POF1B: variants seen among roughly 807,000 people sequenced by gnomAD.
The protein encoded by POF1B is protein POF1B.
POF1B carries 53 observed loss-of-function variants against 55.3 expected under a neutral mutation model. The ratio of observed to expected loss-of-function variants is 0.96; its 90% CI spans 0.77 to 1.20. The LOEUF is 1.20. Ranked by LOEUF, POF1B falls within the 50% of genes most tolerant of loss-of-function variation. The pLI is 0.00. For missense variants in POF1B, 478 were observed against 420.5 expected, an observed-to-expected ratio of 1.14 and a Z score of -1.20; for synonymous variants, 188 against 148.3, an observed-to-expected ratio of 1.27 and a Z score of -1.95.
chrX:85,373,316 C>T (rs1478873890), intron 2 of POF1B, among the ~76,000 whole-genome samples: 2 of 111,570 alleles, frequency 1.8e-5, no homozygotes, highest in African/African-American at 3.3e-5. Context: ...TTGAGCTATT[C>T]GAGTCTCAAT....
At chrX:85,322,291 A>G (rs1469387571) in intron 7 of POF1B, among the ~76,000 whole-genome samples, 2 of 111,060 alleles carry the variant, frequency 1.8e-5, no homozygotes, top group Non-Finnish European at 3.8e-5. Context: ...ATAATGCCAC[A>G]TATCTACAAC....
intron 4 of POF1B, among the ~76,000 whole-genome samples, chrX:85,354,851 A>G (rs1455333094): frequency 1.8e-5 from 2 of 111,634 alleles, no homozygotes; most frequent in Non-Finnish European, 3.8e-5. Flanking sequence ...ATGGATAGGA[A>G]CAATCAATAA....
rs184252130 is a variant in POF1B at position 85,283,391 on chromosome X, T to A, written c.1650-1074A>T. ...AGCATGAACACAGGAGAGAAATAGA[T>A]AATATAAAAAAGATCCACATTGGAC... On this transcript the variant is annotated intron_variant, in intron 15 of 16. Coordinates refer to ENST00000262753, the MANE Select transcript of POF1B (RefSeq NM_024921.4). 2.4e-4 allele frequency among the ~76,000 whole-genome samples: 26 copies of A among 110,171 alleles called. No individual in the cohort carries two copies. In the Admixed American group the frequency reaches 2.5e-3, roughly 11 times the overall value.
intron 6 of POF1B, among the ~76,000 whole-genome samples, chrX:85,338,063 G>GT (rs1418230896): frequency 9.0e-6 from 1 of 111,358 alleles, no homozygotes. Context: ...AGATACTGTT[G>GT]TTTTTTAAGT....
At chrX:85,296,063 CT>C (rs1393331693) in intron 15 of POF1B, among the ~76,000 whole-genome samples, 1 of 111,907 alleles carries the variant, frequency 8.9e-6, no homozygotes, top group Non-Finnish European at 1.9e-5. Context: ...AACCCCTGCT[CT>C]TTTTTTGTTT....
chrX:85,328,366 G>A (rs1285568040), intron 7 of POF1B, among the ~76,000 whole-genome samples: 13 of 108,937 alleles, frequency 1.2e-4, no homozygotes, highest in Non-Finnish European at 2.3e-4. Flanking sequence ...CACTAGGCCC[G>A]GCTAATTTTT....
At chrX:85,313,316 C>T (rs759295176) in intron 9 of POF1B, among the ~76,000 whole-genome samples, 1 of 111,380 alleles carries the variant, frequency 9.0e-6, no homozygotes, top group Non-Finnish European at 1.9e-5. Context: ...GTTGGTTTGT[C>T]GTAAATAGCT....
chrX:85,362,003 G>A (rs1933633541), intron 3 of POF1B, among the ~76,000 whole-genome samples: 1 of 106,464 alleles, frequency 9.4e-6, no homozygotes, highest in South Asian at 4.1e-4. Context: ...TGTGTGTGTG[G>A]CAATTGTGAA....
In POF1B at chrX:85,290,054, C is replaced by A. The variant is rs750257810; in HGVS notation, c.1650-7737G>T. ...TGCTGAGGTTTGTGGTATGAATGAT[C>A]CTATCACCCAAGTAGTGAACATGGT... On this transcript the variant is annotated intron_variant, in intron 15 of 16. Coordinates refer to ENST00000262753, the MANE Select transcript of POF1B (RefSeq NM_024921.4). Among the ~76,000 whole-genome samples the A allele has an allele frequency of 7.2e-5, 8 of 111,237 alleles. No homozygotes were observed. In the South Asian group the frequency reaches 3.1e-3, roughly 42 times the overall value.
chrX:85,350,179 C>T (rs1933350217), intron 5 of POF1B, among the ~76,000 whole-genome samples: 1 of 109,076 alleles, frequency 9.2e-6, no homozygotes, highest in Non-Finnish European at 1.9e-5. Context: ...GCTATCCCTC[C>T]CCCGTCCCCC....
At chrX:85,314,137 G>A (rs987196386) in intron 9 of POF1B, among the ~76,000 whole-genome samples, 2 of 110,356 alleles carry the variant, frequency 1.8e-5, no homozygotes, top group South Asian at 7.7e-4. Context: ...GAATGGAGAA[G>A]AGGAAGGCAA....
rs746326282 is a variant in POF1B, at chrX:85,307,201, G to C, written c.1126C>G (p.Leu376Val). 1.7e-6 allele frequency: 2 copies of C among 1,206,694 alleles called. No homozygotes were observed. Among genetic ancestry groups the C allele is most frequent in the Admixed American group, 2.2e-5 (1 of 45,426 alleles). Residue 376 changes from leucine (L) to valine (V), a missense_variant, in exon 11 of 17, where the codon CTC becomes GTC. Coordinates refer to ENST00000262753, the MANE Select transcript of POF1B (RefSeq NM_024921.4). ...TTATTTGCTCTCACTGATGCCAAGA[G>C]TTCTTCGTACTCTTTTAATTGAGTG... ...KDTQLKEYEE[L>V]LASVRANNHQ...
chrX:85,318,519 C>T (rs1420328458), intron 7 of POF1B, among the ~76,000 whole-genome samples: 4 of 111,905 alleles, frequency 3.6e-5, no homozygotes, highest in Non-Finnish European at 7.5e-5. Context: ...AGGTTTAAGA[C>T]TTTAATCCAA....
At chrX:85,340,122 C>T (rs1933145470) in intron 6 of POF1B, among the ~76,000 whole-genome samples, 1 of 110,887 alleles carries the variant, frequency 9.0e-6, no homozygotes, top group Non-Finnish European at 1.9e-5. Context: ...AAGAATTAGA[C>T]ATTGAAGACT....
At chrX:85,297,016 G>A (rs1481011610) in intron 15 of POF1B, among the ~76,000 whole-genome samples, 3 of 111,711 alleles carry the variant, frequency 2.7e-5, no homozygotes, top group African/African-American at 6.5e-5. Context: ...GGACTATTCT[G>A]TTGTTAATGC....
intron 7 of POF1B, among the ~76,000 whole-genome samples, chrX:85,320,521 A>G (rs1015492456): frequency 1.7e-4 from 19 of 111,388 alleles, no homozygotes; most frequent in African/African-American, 6.2e-4. Context: ...GTAACATCAC[A>G]ATTAAAAGAA....
At chrX:85,302,343 A>G (rs766727802) in intron 15 of POF1B, among the ~76,000 whole-genome samples, 1 of 111,696 alleles carries the variant, frequency 9.0e-6, no homozygotes, top group African/African-American at 3.2e-5. Context: ...AAAAATTGCT[A>G]AAAAACATTA....
Position 85,277,632 on chromosome X carries a change from A to C in POF1B, c.*1789T>G, listed in dbSNP as rs972672257. ...TTCTACTCTCTATATCCATGAGTTC[A>C]ATTGTTTTGACTTTTAGATCCCGCA... On this transcript the variant is annotated 3_prime_UTR_variant, in exon 17 of 17. Coordinates refer to ENST00000262753, the MANE Select transcript of POF1B (RefSeq NM_024921.4). 7 of 110,210 alleles carry C rather than the reference A, an allele frequency of 6.4e-5. No homozygotes were observed. The highest frequency in any genetic ancestry group is 1.3e-4 in the Non-Finnish European group (7 of 52,469). The allele number at this position is 110,210 out of a possible 1,213,427, so 9.1% of individuals were successfully genotyped here.
At chrX:85,361,366 A>G (rs1392863024) in intron 3 of POF1B, among the ~76,000 whole-genome samples, 1 of 111,645 alleles carries the variant, frequency 9.0e-6, no homozygotes, top group African/African-American at 3.3e-5. Flanking sequence ...GTAATCAGTC[A>G]ATCTTGAGTT....
Sources: gnomAD v4.1 joint callset for allele counts (sites outside exome capture counted in the v4.1 genomes callset) on GRCh38, gnomAD v4.1.1 for gene constraint, MANE v1.5 for transcripts, NCBI Gene and HGNC (gene_info 2026-07-23, HGNC 2026-07-21) for gene names.